Variants in UQCR10 observed in about 807,000 individuals in gnomAD.
UQCR10 encodes the protein cytochrome b-c1 complex subunit 9.
Under a neutral mutation model 6.0 loss-of-function variants are expected in UQCR10, and 5 were observed. The ratio of observed to expected loss-of-function variants is 0.83; its 90% CI spans 0.43 to 1.74. UQCR10 has a LOEUF of 1.74. Among genes scored for constraint, UQCR10 ranks in the 40% most tolerant of loss-of-function variants. The probability of loss-of-function intolerance (pLI) is 0.02; values close to 1 mark genes in which losing one functional copy is unlikely to be tolerated. For synonymous variants in UQCR10, 40 were observed against 37.4 expected (o/e 1.07, Z -0.26); for missense variants, 101 against 85.1 (o/e 1.19, Z -0.74).
intron 1 of UQCR10, among the ~76,000 whole-genome samples, chr22:29,768,206 T>A (rs1288603948): frequency 1.3e-5 from 2 of 152,174 alleles, no homozygotes; most frequent in African/African-American, 4.8e-5. Flanking sequence ...GCAGGCAGGG[T>A]GCCACATGCC....
intron 1 of UQCR10, among the ~76,000 whole-genome samples, chr22:29,769,106 TC>T (rs1323551995): frequency 6.6e-6 from 1 of 152,216 alleles, no homozygotes; most frequent in Non-Finnish European, 1.5e-5. Context: ...TTGGGGCACT[TC>T]CCTCAATCTC....
At chr22:29,768,622 TTTTTG>T (rs749024318) in intron 1 of UQCR10, among the ~76,000 whole-genome samples, 8 of 148,396 alleles carry the variant, frequency 5.4e-5, no homozygotes, top group Non-Finnish European at 1.2e-4. Flanking sequence ...CTTGTGCTTT[TTTTTG>T]TTTTGTTTTG....
intron 1 of UQCR10, among the ~76,000 whole-genome samples, chr22:29,767,882 C>G (rs1275743554): frequency 1.3e-5 from 2 of 152,114 alleles, no homozygotes; most frequent in Non-Finnish European, 2.9e-5. Context: ...GGGCCAGAAA[C>G]GGGACCCCTG....
At chr22:29,767,619 C>T in intron 1 of UQCR10, 71 bp downstream of exon 1, 1 of 1,525,480 alleles carries the variant, frequency 6.6e-7, no homozygotes, top group Non-Finnish European at 8.9e-7. Context: ...TGGGATGGGA[C>T]TCAGTATACT....
chr22:29,769,580 T>C, intron 1 of UQCR10, 98 bp from the exon 2 acceptor site: 5 of 1,305,888 alleles, frequency 3.8e-6, no homozygotes, highest in Non-Finnish European at 5.3e-6. Flanking sequence ...ATGGCATGTG[T>C]TTCCCCCAAG....
At position 29,769,845 on chromosome 22, in the gene UQCR10, C is replaced by A; in HGVS notation, c.*126C>A. 1.8e-6 allele frequency: 2 copies of A among 1,089,588 alleles called. No individual in the cohort carries two copies. The highest frequency in any genetic ancestry group is 1.4e-5 in the South Asian group (1 of 73,972). The allele number at this position is 1,089,588 out of a possible 1,614,324, so 67.5% of individuals were successfully genotyped here. A position where few individuals can be genotyped will look rare whatever the true frequency, so the allele number is the denominator to read the frequency against. On this transcript the variant is annotated 3_prime_UTR_variant, in exon 2 of 2. Transcript: ENST00000330029. ...TTCATGGACCACCATTCGCTGTTGG[C>A]AAGAAACGGCTTTACTTACAAAACA...
At chr22:29,767,602 G>A in intron 1 of UQCR10, 54 bp downstream of exon 1, 1 of 1,550,890 alleles carries the variant, frequency 6.4e-7, no homozygotes, top group Non-Finnish European at 8.8e-7. Flanking sequence ...TGACAGTGGA[G>A]TAGAGGTGGG....
Position 29,770,250 on chromosome 22 carries a change from A to G in UQCR10, c.*531A>G. ...AGGGGTCTTAGCCACTCCCCACCCT[A>G]GGGTATAGTTCAGGGGTATCCAATC... On this transcript the variant is annotated 3_prime_UTR_variant, in exon 2 of 2. Coordinates refer to ENST00000330029, the MANE Select transcript of UQCR10 (RefSeq NM_013387.4). The G allele has an allele frequency of 2.9e-6, 1 of 340,252 alleles. No homozygotes were observed. The highest frequency in any genetic ancestry group is 5.8e-6 in the Non-Finnish European group (1 of 172,836). 21.1% of individuals were successfully genotyped at this position (340,252 alleles called of 1,614,324 possible).
intron 1 of UQCR10, 82 bp from the exon 2 acceptor site, chr22:29,769,596 T>G: frequency 7.0e-7 from 1 of 1,423,944 alleles, no homozygotes; most frequent in Non-Finnish European, 9.6e-7. Context: ...CCAAGCTCAT[T>G]TTAGAGACCA....
intron 1 of UQCR10, 35 bp downstream of exon 1, chr22:29,767,583 C>T: frequency 3.9e-6 from 6 of 1,530,176 alleles, no homozygotes; most frequent in Non-Finnish European, 4.5e-6. Context: ...CTTGGACCCG[C>T]CTGAGGGGTG....
Position 29,769,782 on chromosome 22 carries a change from G to A in UQCR10, c.*63G>A. 6.4e-7 allele frequency: 1 copy of A among 1,560,178 alleles called. No homozygotes were observed. Among genetic ancestry groups the A allele is most frequent in the Non-Finnish European group, 8.7e-7 (1 of 1,145,956 alleles). On this transcript the variant is annotated 3_prime_UTR_variant, in exon 2 of 2. Transcript: ENST00000330029. ...TCCACCCAGCAGCTGTTTGCCCAGA[G>A]CTGGAGCCTCAGCTTGAAGATGATG...
Position 29,769,845 on chromosome 22 carries a change from C to T in UQCR10, c.*126C>T. The T allele has an allele frequency of 1.8e-6, 2 of 1,089,590 alleles. No homozygotes were observed. Among genetic ancestry groups the T allele is most frequent in the Non-Finnish European group, 2.7e-6 (2 of 727,520 alleles). 67.5% of individuals were successfully genotyped at this position (1,089,590 alleles called of 1,614,324 possible). A position where few individuals can be genotyped will look rare whatever the true frequency, so the allele number is the denominator to read the frequency against. On this transcript the variant is annotated 3_prime_UTR_variant, in exon 2 of 2. Transcript: ENST00000330029. The stretch of plus-strand genomic sequence containing the variant: ...TTCATGGACCACCATTCGCTGTTGG[C>T]AAGAAACGGCTTTACTTACAAAACA...
Position 29,769,744 on chromosome 22 carries a change from C to T in UQCR10, c.*25C>T, listed in dbSNP as rs1569344715. On this transcript the variant is annotated 3_prime_UTR_variant, in exon 2 of 2. Coordinates refer to ENST00000330029, the MANE Select transcript of UQCR10 (RefSeq NM_013387.4). The stretch of plus-strand genomic sequence containing the variant: ...GTTCCTTGGAGGCCCCCATCCAGGC[C>T]AGAAGGACCAGGTCCACCCAGCAGC... The T allele has an allele frequency of 1.2e-6, 2 of 1,601,006 alleles. No homozygotes were observed. Among genetic ancestry groups the T allele is most frequent in the Non-Finnish European group, 1.7e-6 (2 of 1,174,022 alleles).
chr22:29,767,393 A>G lies in UQCR10; in HGVS notation c.-6A>G, dbSNP rs765602001. 1.2e-5 allele frequency: 19 copies of G among 1,612,320 alleles called. No homozygotes were observed. Among genetic ancestry groups the G allele is most frequent in the Non-Finnish European group, 1.4e-5 (17 of 1,179,326 alleles). On this transcript the variant is annotated 5_prime_UTR_variant, in exon 1 of 2. Transcript: ENST00000330029. ...CGCGGTGGCGCGAGTTGGACTGTGA[A>G]GAAACATGGCGGCCGCGACGTTGAC... is the stretch of plus-strand genomic sequence containing the variant.
intron 1 of UQCR10, among the ~76,000 whole-genome samples, chr22:29,768,564 TTGATC>T (rs1442755618): frequency 3.9e-5 from 6 of 152,192 alleles, no homozygotes; most frequent in Non-Finnish European, 5.9e-5. Flanking sequence ...ACCACTCCCA[TTGATC>T]TGGAGAGACA....
At chr22:29,768,622 T>TTTTTG (rs749024318) in intron 1 of UQCR10, among the ~76,000 whole-genome samples, 2 of 148,396 alleles carry the variant, frequency 1.3e-5, no homozygotes, top group Non-Finnish European at 3.0e-5. Flanking sequence ...CTTGTGCTTT[T>TTTTTG]TTTTGTTTTG....
Position 29,767,444 on chromosome 22 carries a change from C to A in UQCR10, c.46C>A (p.Arg16Ser). 6.2e-7 allele frequency: 1 copy of A among 1,613,962 alleles called. No individual in the cohort carries two copies. Among genetic ancestry groups the A allele is most frequent in the Non-Finnish European group, 8.5e-7 (1 of 1,179,858 alleles). ...LTSKLYSLLFRRTSTFALTII... is the reference protein window; with the variant it reads ...LTSKLYSLLFSRTSTFALTII... ...TTCGAAATTGTACTCCCTGCTGTTCCGCAGGACCTCCACCTTCGCCCTCAC... is the reference window on the plus strand; with the variant it reads ...TTCGAAATTGTACTCCCTGCTGTTCAGCAGGACCTCCACCTTCGCCCTCAC... The change falls in exon 1 of 2, where the codon CGC (arginine) becomes AGC (serine). Residue 16 changes from arginine to serine, a missense_variant. Transcript: ENST00000330029.
rs2068251439 is a variant in UQCR10, at chr22:29,769,854, G to T, written c.*135G>T. ...CACCATTCGCTGTTGGCAAGAAACG[G>T]CTTTACTTACAAAACAGACTCTTTA... is the stretch of plus-strand genomic sequence containing the variant. On this transcript the variant is annotated 3_prime_UTR_variant, in exon 2 of 2. Coordinates refer to ENST00000330029, the MANE Select transcript of UQCR10 (RefSeq NM_013387.4). 10 of 1,016,220 alleles carry T rather than the reference G, an allele frequency of 9.8e-6. No homozygotes were observed. The highest frequency in any genetic ancestry group is 1.5e-5 in the Non-Finnish European group (10 of 661,298). 63.0% of individuals were successfully genotyped at this position (1,016,220 alleles called of 1,614,324 possible).
chr22:29,767,533 C>G lies in UQCR10; in HGVS notation c.135C>G (p.Asp45Glu). 1 of 1,613,946 alleles carries G rather than the reference C, an allele frequency of 6.2e-7. No homozygotes were observed. The highest frequency in any genetic ancestry group is 1.3e-5 in the African/African-American group (1 of 75,070). Residue 45 changes from aspartate (D) to glutamate (E), a missense_variant, in exon 1 of 2, where the codon GAC becomes GAG. Coordinates refer to ENST00000330029, the MANE Select transcript of UQCR10 (RefSeq NM_013387.4). ...ATCAAGGCGCGGACGCTATCTACGA[C>G]CACATCAACGAGGGGGTGAGGGCCT... is the stretch of plus-strand genomic sequence containing the variant. ...AFDQGADAIY[D>E]HINEGKLWKH...
Sources: allele counts gnomAD v4.1 joint callset (sites outside exome capture counted in the v4.1 genomes callset), GRCh38; gene constraint gnomAD v4.1.1; transcripts MANE v1.5; gene names NCBI Gene and HGNC (gene_info 2026-07-23, HGNC 2026-07-21).